PAK1IP1: variants seen among roughly 807,000 people sequenced by gnomAD.
PAK1IP1 encodes PAK1 interacting protein 1.
In PAK1IP1, 24 loss-of-function variants were observed where a neutral mutation model predicts 42.0. That is an observed-to-expected ratio of 0.57 (90% confidence interval 0.41 to 0.80). The LOEUF (loss-of-function observed/expected upper bound fraction) is 0.80. PAK1IP1 is among the 30% of genes least tolerant of loss of function. The probability of loss-of-function intolerance (pLI) is 0.00; values close to 1 mark genes in which losing one functional copy is unlikely to be tolerated. For synonymous variants in PAK1IP1, 154 were observed against 156.7 expected (o/e 0.98, Z 0.13); for missense variants, 411 against 467.9 (o/e 0.88, Z 1.12).
At position 10,700,780 on chromosome 6, in the gene PAK1IP1, G is replaced by C. The variant is rs147761459; in HGVS notation, c.248-1589G>C. Among the ~76,000 whole-genome samples the C allele has an allele frequency of 5.0e-3, 765 of 152,070 alleles. 5 individuals are homozygous for C. The highest frequency in any genetic ancestry group is 0.018 in the African/African-American group (727 of 41,488). The stretch of plus-strand genomic sequence containing the variant: ...AATGAAGTAGGGCTCTTGGTTTCTT[G>C]GTTTCCTTTATTTCTTGTATAAATC... On this transcript the variant is annotated intron_variant, in intron 2 of 9. Coordinates refer to ENST00000379568, the MANE Select transcript of PAK1IP1 (RefSeq NM_017906.3).
Position 10,697,548 on chromosome 6 carries a change from T to C in PAK1IP1, c.247+62T>C, listed in dbSNP as rs76347296. 27,599 of 1,205,256 alleles carry C rather than the reference T, an allele frequency of 0.023. 2,647 individuals carry two copies. In the African/African-American group the frequency reaches 0.27, roughly 12 times the overall value. 74.7% of individuals were successfully genotyped at this position (1,205,256 alleles called of 1,614,324 possible). On this transcript the variant is annotated intron_variant, in intron 2 of 9. Transcript: ENST00000379568. The stretch of plus-strand genomic sequence containing the variant: ...GGTTTTCTTTACAATTTGACTTCAG[T>C]TGAACAATTTGTTGTATCTATTTTA...
chr6:10,708,518 G>A (rs1224865561), intron 8 of PAK1IP1, among the ~76,000 whole-genome samples: 1 of 151,850 alleles, frequency 6.6e-6, no homozygotes, highest in Non-Finnish European at 1.5e-5. Context: ...ATTTTTGTGT[G>A]GATATATGTT....
upstream of PAK1IP1, among the ~76,000 whole-genome samples, chr6:10,692,810 C>T (rs1769461154): frequency 6.6e-6 from 1 of 152,128 alleles, no homozygotes; most frequent in Non-Finnish European, 1.5e-5. Flanking sequence ...AGGAGTGAGC[C>T]ACCGTGCCCA....
intron 1 of PAK1IP1, 145 bp from the exon 2 acceptor site, chr6:10,697,179 C>T: frequency 1.5e-6 from 1 of 688,136 alleles, no homozygotes; most frequent in East Asian, 2.6e-5. Flanking sequence ...TTTATAGGAT[C>T]CATTGATAGT....
At chr6:10,704,957 ATATCTACATGTACAGTATATGG>A in intron 7 of PAK1IP1, 113 bp downstream of exon 7, 1 of 719,516 alleles carries the variant, frequency 1.4e-6, no homozygotes, top group Admixed American at 2.0e-5. Context: ...ATAATCAGAC[ATATCTACATGTACAGTATATGG>A]TATCTGTAGT....
chr6:10,696,215 C>G (rs957604919), intron 1 of PAK1IP1, among the ~76,000 whole-genome samples: 1 of 152,146 alleles, frequency 6.6e-6, no homozygotes, highest in African/African-American at 2.4e-5. Flanking sequence ...TCTACTAAAT[C>G]TAAGCAATAG....
chr6:10,698,163 CCT>C (rs1769915307), intron 2 of PAK1IP1, among the ~76,000 whole-genome samples: 1 of 151,676 alleles, frequency 6.6e-6, no homozygotes, highest in Non-Finnish European at 1.5e-5. Context: ...ATTATGTACC[CCT>C]CTGTGTGCCA....
intron 2 of PAK1IP1, among the ~76,000 whole-genome samples, chr6:10,700,350 G>A (rs969170174): frequency 2.6e-5 from 4 of 152,116 alleles, no homozygotes; most frequent in Non-Finnish European, 5.9e-5. Context: ...GAGCCACCGC[G>A]CCCTGCCAAA....
chr6:10,706,712 G>A (rs942476291), intron 7 of PAK1IP1, among the ~76,000 whole-genome samples: 1 of 151,778 alleles, frequency 6.6e-6, no homozygotes, highest in Admixed American at 6.6e-5. Flanking sequence ...GTGAAACCCC[G>A]TCTCTACTAA....
chr6:10,702,801 CT>C (rs201034129), intron 4 of PAK1IP1, among the ~76,000 whole-genome samples, 162 bp downstream of exon 4: 6 of 149,080 alleles, frequency 4.0e-5, no homozygotes, highest in South Asian at 2.1e-4. Flanking sequence ...TGTTTTCTTT[CT>C]TTTTTTTTTG....
At chr6:10,692,547 TCTCC>T (rs1445925122), upstream of PAK1IP1, among the ~76,000 whole-genome samples, 1 of 152,072 alleles carries the variant, frequency 6.6e-6, no homozygotes, top group Admixed American at 6.6e-5. Flanking sequence ...TTCAAGCGAT[TCTCC>T]CGCCTCACCC....
At chr6:10,703,939 C>A (rs1770121202) in intron 5 of PAK1IP1, among the ~76,000 whole-genome samples, 2 of 152,078 alleles carry the variant, frequency 1.3e-5, no homozygotes, top group Admixed American at 6.5e-5. Context: ...CTTTCTTTTC[C>A]CATTTTAGAC....
chr6:10,691,842 T>G (rs550143803), upstream of PAK1IP1, among the ~76,000 whole-genome samples: 2 of 152,310 alleles, frequency 1.3e-5, no homozygotes, highest in African/African-American at 2.4e-5. Flanking sequence ...GGGTTTTTTT[T>G]TCTTTTTAAA....
chr6:10,701,320 G>A (rs948845842), intron 2 of PAK1IP1, among the ~76,000 whole-genome samples: 2 of 152,104 alleles, frequency 1.3e-5, no homozygotes, highest in African/African-American at 4.8e-5. Flanking sequence ...CAAGTGATCT[G>A]CCTGTCTCGG....
intron 2 of PAK1IP1, 143 bp downstream of exon 2, chr6:10,697,629 C>T (rs1161083088): frequency 4.6e-6 from 3 of 658,302 alleles, no homozygotes; most frequent in African/African-American, 1.8e-5. Context: ...GTTTCTTAGC[C>T]TGGCACAATG....
upstream of PAK1IP1, among the ~76,000 whole-genome samples, chr6:10,691,290 ACTCACGT>A (rs1157451331): frequency 6.6e-6 from 1 of 152,050 alleles, no homozygotes; most frequent in African/African-American, 2.4e-5. Flanking sequence ...CTTCGGCAAG[ACTCACGT>A]CTCCAACAAC....
In PAK1IP1 at chr6:10,702,392, T is replaced by C. The variant is rs576643867; in HGVS notation, c.271T>C (p.Tyr91His). The part of the protein sequence containing the change: ...HSGTITCLKF[Y>H]GNRHLISGAE... ...AGGTACAATAACTTGCCTGAAATTC[T>C]ATGGCAACAGGCATTTAATCAGTGG... Residue 91 changes from tyrosine (Y) to histidine (H), a missense_variant, in exon 3 of 10, where the codon TAT (tyrosine) becomes CAT (histidine). Tyr to His is a moderately conservative substitution (Grantham distance 83). Coordinates refer to ENST00000379568, the MANE Select transcript of PAK1IP1 (RefSeq NM_017906.3). 6.2e-7 allele frequency: 1 copy of C among 1,613,924 alleles called. No homozygotes were observed. Among genetic ancestry groups the C allele is most frequent in the South Asian group, 1.1e-5 (1 of 91,074 alleles).
chr6:10,706,598 T>C (rs1398378140), intron 7 of PAK1IP1, among the ~76,000 whole-genome samples: 5 of 152,040 alleles, frequency 3.3e-5, no homozygotes, highest in Non-Finnish European at 5.9e-5. Flanking sequence ...TTTTTAAAAA[T>C]TTCTGGCCAG....
upstream of PAK1IP1, among the ~76,000 whole-genome samples, chr6:10,691,881 T>A (rs761816501): frequency 6.6e-6 from 1 of 152,190 alleles, no homozygotes; most frequent in Non-Finnish European, 1.5e-5. Context: ...ATGTTCATGG[T>A]GCTTACACCA....
Sources: gnomAD v4.1 joint callset for allele counts (sites outside exome capture counted in the v4.1 genomes callset) on GRCh38, gnomAD v4.1.1 for gene constraint, MANE v1.5 for transcripts, NCBI Gene and HGNC (gene_info 2026-07-23, HGNC 2026-07-21) for gene names.